The following PLEKHH2 variants were observed in gnomAD, a reference collection of about 807,000 sequenced individuals.
The protein encoded by PLEKHH2 is pleckstrin homology, MyTH4 and FERM domain containing H2.
In PLEKHH2, 129 loss-of-function variants were observed where a neutral mutation model predicts 187.9. The observed-to-expected ratio is 0.69, with a 90% CI of 0.59 to 0.79. The LOEUF (loss-of-function observed/expected upper bound fraction) is 0.79. Among genes scored for constraint, PLEKHH2 ranks in the 30% least tolerant of loss-of-function variants. PLEKHH2 has a pLI of 0.00. For missense variants in PLEKHH2, 2,076 were observed against 1,751.2 expected, an observed-to-expected ratio of 1.19 and a Z score of -3.31; for synonymous variants, 686 against 605.6, an observed-to-expected ratio of 1.13 and a Z score of -1.95.
chr2:43,726,345 AT>A lies in PLEKHH2; in HGVS notation c.2617del (p.Tyr873MetfsTer28). 4 of 1,611,948 alleles carry A rather than the reference AT, an allele frequency of 2.5e-6. No individual in the cohort carries two copies. Among genetic ancestry groups the A allele is most frequent in the Non-Finnish European group, 3.4e-6 (4 of 1,178,038 alleles). On this transcript the variant is annotated frameshift_variant, in exon 17 of 30. Coordinates refer to ENST00000282406, the MANE Select transcript of PLEKHH2 (RefSeq NM_172069.4). LOFTEE classifies it high-confidence loss of function. The part of the protein sequence containing the change: ...EVDRSCDSDE[D>X]YEASGRSLLS... ...GACAGATCTTGTGATTCAGATGAAG[AT>A]TATGAAGCCAGTGGACGAAGTCTGT...
intron 1 of PLEKHH2, among the ~76,000 whole-genome samples, chr2:43,637,923 A>T (rs1036262084): frequency 6.6e-6 from 1 of 152,212 alleles, no homozygotes; most frequent in African/African-American, 2.4e-5. Flanking sequence ...CCCCGAAGTT[A>T]GTGGGGCACT....
Position 43,742,900 on chromosome 2 carries a change from C to G in PLEKHH2, c.3381C>G (p.Phe1127Leu), listed in dbSNP as rs961008251. Residue 1127 changes from phenylalanine to leucine, a missense_variant, in exon 22 of 30, where the codon TTC (phenylalanine) becomes TTG (leucine). By Grantham distance (22) the Phe-to-Leu change is conservative (BLOSUM62 0). Transcript: ENST00000282406. ...TGCCCTTTAGTATACCTGTGCACTTCATGAATGGGATATACCAGGTAGGTT... is the reference window on the plus strand; with the variant it reads ...TGCCCTTTAGTATACCTGTGCACTTGATGAATGGGATATACCAGGTAGGTT... ...HSLPFSIPVH[F>L]MNGIYQVVGF... is the part of the protein sequence containing the mutation. The G allele has an allele frequency of 6.4e-7, 1 of 1,572,326 alleles. No individual in the cohort carries two copies. Among genetic ancestry groups the G allele is most frequent in the African/African-American group, 1.4e-5 (1 of 72,758 alleles).
At chr2:43,748,807 A>T (rs1162848759) in intron 24 of PLEKHH2, among the ~76,000 whole-genome samples, 1 of 151,218 alleles carries the variant, frequency 6.6e-6, no homozygotes, top group Non-Finnish European at 1.5e-5. Flanking sequence ...CCCAGGCTGG[A>T]GTGCAATGGC....
intron 21 of PLEKHH2, among the ~76,000 whole-genome samples, chr2:43,741,614 C>T (rs1671564369): frequency 6.6e-6 from 1 of 152,080 alleles, no homozygotes; most frequent in Non-Finnish European, 1.5e-5. Context: ...AACTCTTGGA[C>T]TAAAGCAAAC....
chr2:43,700,136 A>T lies in PLEKHH2; in HGVS notation c.1178A>T (p.Gln393Leu), dbSNP rs1172049820. The change falls in exon 8 of 30, where the codon CAG (glutamine) becomes CTG (leucine). Residue 393 changes from glutamine to leucine, a missense_variant. Coordinates refer to ENST00000282406, the MANE Select transcript of PLEKHH2 (RefSeq NM_172069.4). ...SDELNKKFQSQRLDYSSSSSE... is the reference protein window; with the variant it reads ...SDELNKKFQSLRLDYSSSSSE... ...GAACTGAATAAAAAATTTCAATCCC[A>T]GAGACTCGATTATTCATCTTCATCG... 4 of 1,614,192 alleles carry T rather than the reference A, an allele frequency of 2.5e-6. No homozygotes were observed. The highest frequency in any genetic ancestry group is 3.4e-6 in the Non-Finnish European group (4 of 1,180,026).
intron 2 of PLEKHH2, among the ~76,000 whole-genome samples, chr2:43,666,231 G>A (rs1255943170): frequency 2.0e-5 from 3 of 150,708 alleles, no homozygotes; most frequent in South Asian, 2.1e-4. Flanking sequence ...GGAGTGACCC[G>A]ATTTTCCAGG....
Position 43,694,482 on chromosome 2 carries a change from A to T in PLEKHH2, c.388A>T (p.Ile130Leu). The T allele has an allele frequency of 6.4e-7, 1 of 1,564,830 alleles. No individual in the cohort carries two copies. The highest frequency in any genetic ancestry group is 1.7e-4 in the Middle Eastern group (1 of 5,864). Reference sequence around the variant, plus strand: ...AATAATAGAAGAGAAAGCAGCTAAGATAAAAGAATGGGTAACAGTTAAGTT... The same window carrying T: ...AATAATAGAAGAGAAAGCAGCTAAGTTAAAAGAATGGGTAACAGTTAAGTT... ...AKIIEEKAAKIKEWVTVKLNE... is the reference protein window; with the variant it reads ...AKIIEEKAAKLKEWVTVKLNE... Residue 130 changes from isoleucine (I) to leucine (L), a missense_variant, in exon 5 of 30, where the codon ATA (isoleucine) becomes TTA (leucine). Coordinates refer to ENST00000282406, the MANE Select transcript of PLEKHH2 (RefSeq NM_172069.4).
In PLEKHH2 at chr2:43,694,456, A is replaced by T; in HGVS notation, c.362A>T (p.Lys121Ile). 6.4e-7 allele frequency: 1 copy of T among 1,564,486 alleles called. No homozygotes were observed. The highest frequency in any genetic ancestry group is 1.2e-5 in the South Asian group (1 of 86,414). ...EQKQIRIQEAKIIEEKAAKIK... is the reference protein window; with the variant it reads ...EQKQIRIQEAIIIEEKAAKIK... Reference sequence around the variant, plus strand: ...AAACAAATAAGAATACAAGAAGCTAAAATAATAGAAGAGAAAGCAGCTAAG... The same window carrying T: ...AAACAAATAAGAATACAAGAAGCTATAATAATAGAAGAGAAAGCAGCTAAG... Residue 121 changes from lysine (K) to isoleucine (I), a missense_variant, in exon 5 of 30, where the codon AAA becomes ATA. Lys to Ile is a moderately radical substitution (Grantham distance 102). Transcript: ENST00000282406.
intron 2 of PLEKHH2, chr2:43,675,535 A>G (rs1667706743): frequency 6.2e-7 from 1 of 1,613,888 alleles, no homozygotes; most frequent in East Asian, 2.2e-5. Flanking sequence ...GCCTTCTACT[A>G]CTTGCTGAGG....
At chr2:43,736,358 T>C (rs980946998) in intron 19 of PLEKHH2, among the ~76,000 whole-genome samples, 1 of 152,176 alleles carries the variant, frequency 6.6e-6, no homozygotes, top group African/African-American at 2.4e-5. Context: ...AGATGTTGAA[T>C]GTAGGCAGTG....
At chr2:43,747,200 A>C (rs1199531659) in intron 24 of PLEKHH2, among the ~76,000 whole-genome samples, 2 of 151,766 alleles carry the variant, frequency 1.3e-5, no homozygotes, top group East Asian at 3.9e-4. Context: ...AAATTGTAAT[A>C]AATACAGACA....
At chr2:43,709,964 C>T in intron 11 of PLEKHH2, 26 bp from the exon 12 acceptor site, 2 of 1,588,700 alleles carry the variant, frequency 1.3e-6, no homozygotes, top group Non-Finnish European at 8.6e-7. Flanking sequence ...TAAATACTGA[C>T]TTGATTTCTT....
At chr2:43,743,415 G>T (rs1671654472) in intron 22 of PLEKHH2, among the ~76,000 whole-genome samples, 1 of 152,102 alleles carries the variant, frequency 6.6e-6, no homozygotes, top group South Asian at 2.1e-4. Context: ...ACAGAATTCA[G>T]ATACTTAACT....
At chr2:43,688,921 T>G (rs2104455526) in intron 3 of PLEKHH2, among the ~76,000 whole-genome samples, 1 of 152,316 alleles carries the variant, frequency 6.6e-6, no homozygotes, top group East Asian at 1.9e-4. Flanking sequence ...CATGTAGGTC[T>G]GAAATATCCA....
At chr2:43,668,540 T>G (rs1451969023) in intron 2 of PLEKHH2, among the ~76,000 whole-genome samples, 1 of 152,216 alleles carries the variant, frequency 6.6e-6, no homozygotes, top group Non-Finnish European at 1.5e-5. Flanking sequence ...TACAGGCTAC[T>G]TATAGTTTTC....
chr2:43,758,960 CTG>C lies in PLEKHH2; in HGVS notation c.4007_4008del (p.Val1336AlafsTer39). On this transcript the variant is annotated frameshift_variant, in exon 27 of 30. Transcript: ENST00000282406. LOFTEE classifies it high-confidence loss of function. ...CCCTCCGGGGACACAGTGCTGCTGACTGTGTGCGCATTTATTTGACAGTAGCC... is the reference window on the plus strand; with the variant it reads ...CCCTCCGGGGACACAGTGCTGCTGACTGTGCGCATTTATTTGACAGTAGCC... ...MALRGHSAAD[C>X]VRIYLTVARK... 1.9e-6 allele frequency: 3 copies of C among 1,612,308 alleles called. No individual in the cohort carries two copies. Among genetic ancestry groups the C allele is most frequent in the Non-Finnish European group, 2.5e-6 (3 of 1,178,498 alleles).
chr2:43,735,491 A>G (rs1671248266), intron 19 of PLEKHH2, among the ~76,000 whole-genome samples: 3 of 152,296 alleles, frequency 2.0e-5, no homozygotes, highest in South Asian at 4.1e-4. Context: ...TTTAAGAAGA[A>G]TAAGTTCTAG....
chr2:43,723,091 G>A (rs1670562709), intron 16 of PLEKHH2, among the ~76,000 whole-genome samples: 2 of 152,070 alleles, frequency 1.3e-5, no homozygotes, highest in Non-Finnish European at 2.9e-5. Flanking sequence ...TTAAATATTA[G>A]GGTGGATGAA....
At chr2:43,742,211 A>C (rs1572649296) in intron 21 of PLEKHH2, among the ~76,000 whole-genome samples, 1 of 152,044 alleles carries the variant, frequency 6.6e-6, no homozygotes, top group South Asian at 2.1e-4. Flanking sequence ...CATGTTGACC[A>C]GGTTGGTCTT....
Sources: gnomAD v4.1 joint callset for allele counts (sites outside exome capture counted in the v4.1 genomes callset) on GRCh38, gnomAD v4.1.1 for gene constraint, MANE v1.5 for transcripts, NCBI Gene and HGNC (gene_info 2026-07-23, HGNC 2026-07-21) for gene names.